The following PTBP3 variants were observed in gnomAD, a reference collection of about 807,000 sequenced individuals.
The protein encoded by PTBP3 is polypyrimidine tract binding protein 3.
PTBP3 carries 20 observed loss-of-function variants against 58.7 expected under a neutral mutation model. That is an observed-to-expected ratio of 0.34 (90% CI 0.24 to 0.50). The LOEUF is 0.50. Among genes scored for constraint, PTBP3 ranks in the 20% least tolerant of loss-of-function variants. PTBP3 has a pLI of 0.98. For missense variants in PTBP3, 509 were observed against 637.2 expected, an observed-to-expected ratio of 0.80 and a Z score of 2.17; for synonymous variants, 185 against 219.8, an observed-to-expected ratio of 0.84 and a Z score of 1.40.
At chr9:112,342,665 G>A in the PTBP3 span, among the ~76,000 whole-genome samples, 15 of 151,930 alleles carry the variant, frequency 9.9e-5, no homozygotes, top group Non-Finnish European at 5.9e-5. Flanking sequence ...GCAGTGAGCC[G>A]AGATTGCACC....
At chr9:112,252,553 G>T (rs772341716) in intron 6 of PTBP3, 125 bp downstream of exon 6, 5 of 671,564 alleles carry the variant, frequency 7.4e-6, no homozygotes, top group South Asian at 1.7e-5. Context: ...ACTTTAAAAC[G>T]ACTAAAATGG....
the PTBP3 span, among the ~76,000 whole-genome samples, chr9:112,362,541 T>A: frequency 8.5e-5 from 13 of 152,338 alleles, no homozygotes; most frequent in Admixed American, 8.5e-4. Context: ...TTCTTTTTTT[T>A]CCCTTCTGTG....
At chr9:112,305,893 C>T (rs1363476531) in intron 1 of PTBP3, among the ~76,000 whole-genome samples, 1 of 151,994 alleles carries the variant, frequency 6.6e-6, no homozygotes, top group Admixed American at 6.6e-5. Context: ...TGAGCCGAGA[C>T]CGCGCCACTG....
At chr9:112,292,843 A>G (rs1828501027) in intron 2 of PTBP3, among the ~76,000 whole-genome samples, 1 of 152,194 alleles carries the variant, frequency 6.6e-6, no homozygotes, top group African/African-American at 2.4e-5. Flanking sequence ...TTGTACAACA[A>G]TGTTCCTATA....
intron 3 of PTBP3, among the ~76,000 whole-genome samples, 171 bp from the exon 4 acceptor site, chr9:112,268,366 T>C (rs532892153): frequency 1.2e-4 from 18 of 152,240 alleles, no homozygotes; most frequent in African/African-American, 4.1e-4. Flanking sequence ...ATCATGGACG[T>C]TAATTAAAAA....
chr9:112,310,089 T>C (rs911857421), intron 1 of PTBP3, among the ~76,000 whole-genome samples: 6 of 152,228 alleles, frequency 3.9e-5, no homozygotes, highest in African/African-American at 1.4e-4. Flanking sequence ...TCCCTAAATA[T>C]TCTCTAAAGA....
the PTBP3 span, among the ~76,000 whole-genome samples, chr9:112,340,884 A>T: frequency 1.6e-5 from 2 of 124,320 alleles, no homozygotes; most frequent in Non-Finnish European, 3.4e-5. Flanking sequence ...CTCAAAAAAA[A>T]AAAATAAATA....
intron 7 of PTBP3, chr9:112,242,644 T>TGTTTGAC (rs1835705852): frequency 6.6e-6 from 1 of 152,216 alleles, no homozygotes; most frequent in Non-Finnish European, 1.5e-5. Context: ...TTTGACCTCC[T>TGTTTGAC]CTGTTTCTGA....
At chr9:112,290,961 C>G (rs572679088) in intron 2 of PTBP3, among the ~76,000 whole-genome samples, 1 of 151,998 alleles carries the variant, frequency 6.6e-6, no homozygotes, top group Non-Finnish European at 1.5e-5. Context: ...GTGGCTCACA[C>G]CTATAATCCC....
intron 2 of PTBP3, among the ~76,000 whole-genome samples, chr9:112,277,877 A>T (rs1827677762): frequency 2.8e-5 from 4 of 140,594 alleles, no homozygotes; most frequent in East Asian, 2.1e-4. Context: ...CTGTCTCAAA[A>T]TAACGTAACA....
chr9:112,295,603 A>T (rs1828645609), intron 2 of PTBP3, among the ~76,000 whole-genome samples: 1 of 145,610 alleles, frequency 6.9e-6, no homozygotes, highest in Non-Finnish European at 1.5e-5. Context: ...TCTGTTGGTA[A>T]AAAAAAAAAA....
chr9:112,225,979 G>T (rs2131948643), intron 12 of PTBP3, among the ~76,000 whole-genome samples: 1 of 152,248 alleles, frequency 6.6e-6, no homozygotes, highest in Non-Finnish European at 1.5e-5. Flanking sequence ...GGGAGGCAGA[G>T]GATGCAGTGA....
chr9:112,223,055 T>G lies in PTBP3; in HGVS notation c.*796A>C. 1.2e-6 allele frequency: 1 copy of G among 854,080 alleles called. No homozygotes were observed. Among genetic ancestry groups the G allele is most frequent in the Non-Finnish European group, 1.4e-6 (1 of 710,112 alleles). 52.9% of individuals were successfully genotyped at this position (854,080 alleles called of 1,614,324 possible). On this transcript the variant is annotated 3_prime_UTR_variant, in exon 14 of 14. Transcript: ENST00000374257. ...TAAAATTTTCCAAGATCATATTACT[T>G]GACAAATAAGTGTCATTTTGAAATT...
chr9:112,342,772 G>A, the PTBP3 span, among the ~76,000 whole-genome samples: 3 of 113,974 alleles, frequency 2.6e-5, no homozygotes, highest in South Asian at 3.5e-4. Flanking sequence ...AAAAATAAAC[G>A]TGTAGGCATG....
At chr9:112,287,837 T>G (rs1828213236) in intron 2 of PTBP3, among the ~76,000 whole-genome samples, 1 of 152,190 alleles carries the variant, frequency 6.6e-6, no homozygotes, top group Admixed American at 6.5e-5. Context: ...TGAACATACT[T>G]TTAGTAACTG....
At chr9:112,259,517 T>G (rs919887561) in intron 5 of PTBP3, among the ~76,000 whole-genome samples, 2 of 152,210 alleles carry the variant, frequency 1.3e-5, no homozygotes, top group Non-Finnish European at 2.9e-5. Context: ...TCTTTTGGAC[T>G]GGATCATTAT....
At chr9:112,244,657 G>A (rs552143596) in intron 7 of PTBP3, among the ~76,000 whole-genome samples, 144 of 152,088 alleles carry the variant, frequency 9.5e-4, no homozygotes, top group African/African-American at 3.0e-3. Context: ...CAGCCTAGGC[G>A]ACTGAGCAAA....
intron 7 of PTBP3, among the ~76,000 whole-genome samples, chr9:112,239,906 T>G: frequency 1.6e-5 from 2 of 124,846 alleles, no homozygotes; most frequent in African/African-American, 3.1e-5. Flanking sequence ...ATCAGGAGAA[T>G]TCTGAGGAAG....
the PTBP3 span, among the ~76,000 whole-genome samples, chr9:112,345,999 GTGCCCGCCATCA>G: frequency 6.6e-6 from 1 of 151,566 alleles, no homozygotes; most frequent in South Asian, 2.1e-4. Context: ...GGGAGTATAG[GTGCCCGCCATCA>G]TGCCCAGCTA....
Sources: allele counts gnomAD v4.1 joint callset (sites outside exome capture counted in the v4.1 genomes callset), GRCh38; gene constraint gnomAD v4.1.1; transcripts MANE v1.5; gene names NCBI Gene and HGNC (gene_info 2026-07-23, HGNC 2026-07-21).